The following NECTIN3 variants were observed in gnomAD, a reference collection of about 807,000 sequenced individuals.
The protein encoded by NECTIN3 is nectin-3.
Under a neutral mutation model 49.4 loss-of-function variants are expected in NECTIN3, and 8 were observed. The observed-to-expected ratio is 0.16, with a 90% confidence interval of 0.10 to 0.29. The LOEUF (loss-of-function observed/expected upper bound fraction) is 0.29, where lower values mean the gene tolerates loss of function less well. NECTIN3 is among the 10% of genes least tolerant of loss of function. The pLI is 1.00. For synonymous variants in NECTIN3, 277 were observed against 241.1 expected (o/e 1.15, Z -1.38); for missense variants, 581 against 654.6 (o/e 0.89, Z 1.23).
intron 5 of NECTIN3, 102 bp downstream of exon 5, chr3:111,126,437 G>A (rs145899876): frequency 1.0e-6 from 1 of 1,002,890 alleles, no homozygotes; most frequent in Non-Finnish European, 1.5e-6. Context: ...TAAAGATACA[G>A]ATTCCTCAGT....
In NECTIN3 at chr3:111,136,534, A is replaced by T. The variant is rs1313685241; in HGVS notation, c.*2319A>T. 1.0e-6 allele frequency: 1 copy of T among 964,786 alleles called. No individual in the cohort carries two copies. The highest frequency in any genetic ancestry group is 1.2e-6 in the Non-Finnish European group (1 of 811,502). 59.8% of individuals were successfully genotyped at this position (964,786 alleles called of 1,614,324 possible). ...GAAGCATTGCACTGTTGTTTATTAG[A>T]ACTTTATGTATATTTACTGTACATA... On this transcript the variant is annotated 3_prime_UTR_variant, in exon 6 of 6. Coordinates refer to ENST00000485303, the MANE Select transcript of NECTIN3 (RefSeq NM_015480.3).
chr3:111,137,904 C>T (rs1028872824), downstream of NECTIN3, among the ~76,000 whole-genome samples: 1 of 150,642 alleles, frequency 6.6e-6, no homozygotes, highest in Admixed American at 6.6e-5. Flanking sequence ...GGTATTAAGC[C>T]CAGCATGCAT....
At chr3:111,114,418 A>T (rs561220226) in intron 2 of NECTIN3, among the ~76,000 whole-genome samples, 1 of 152,130 alleles carries the variant, frequency 6.6e-6, no homozygotes, top group African/African-American at 2.4e-5. Flanking sequence ...TATGTTGAAC[A>T]TATCTTTATT....
intron 7 of NECTIN3, among the ~76,000 whole-genome samples, chr3:111,149,459 ATGTGTGTGTGTG>A (rs56219611): frequency 0.011 from 1,384 of 128,402 alleles, 21 homozygotes; most frequent in Admixed American, 0.024. Context: ...TTCTGGTAGG[ATGTGTGTGTGTG>A]TGTGTGTGTG....
chr3:111,111,994 A>C (rs760432096), intron 1 of NECTIN3, 36 bp from the exon 2 acceptor site: 1 of 1,478,788 alleles, frequency 6.8e-7, no homozygotes, highest in South Asian at 1.3e-5. Flanking sequence ...ACTTTTTTCT[A>C]TTTTAAAAAT....
intron 1 of NECTIN3, among the ~76,000 whole-genome samples, chr3:111,088,520 A>C (rs1429221379): frequency 6.6e-6 from 1 of 152,086 alleles, no homozygotes; most frequent in Admixed American, 6.6e-5. Context: ...AATTTTATCA[A>C]ATGTTTTATC....
intron 1 of NECTIN3, among the ~76,000 whole-genome samples, chr3:111,105,671 T>A (rs2107435643): frequency 6.6e-6 from 1 of 152,190 alleles, no homozygotes; most frequent in East Asian, 1.9e-4. Flanking sequence ...CCTTTCTGAT[T>A]TGGAATTTAT....
At chr3:111,127,465 C>CTTTTTT (rs35153084) in intron 5 of NECTIN3, among the ~76,000 whole-genome samples, 6 of 101,152 alleles carry the variant, frequency 5.9e-5, no homozygotes, top group Non-Finnish European at 8.9e-5. Context: ...TGCAAACTTT[C>CTTTTTT]TTTTTTTTTT....
At chr3:111,126,486 A>G (rs1385487951) in intron 5 of NECTIN3, 151 bp downstream of exon 5, 5 of 681,908 alleles carry the variant, frequency 7.3e-6, no homozygotes, top group Non-Finnish European at 1.2e-5. Flanking sequence ...AATATGATAA[A>G]ATAATCCTAT....
At chr3:111,169,140 A>G (rs2035384119) in intron 7 of NECTIN3, among the ~76,000 whole-genome samples, 1 of 115,582 alleles carries the variant, frequency 8.7e-6, no homozygotes, top group Non-Finnish European at 1.6e-5. Flanking sequence ...CCCAGGCTGG[A>G]GTGCAGTGGC....
chr3:111,083,287 T>C (rs2031736467), intron 1 of NECTIN3, among the ~76,000 whole-genome samples: 1 of 152,196 alleles, frequency 6.6e-6, no homozygotes, highest in Non-Finnish European at 1.5e-5. Flanking sequence ...TCAGTTGTTA[T>C]GGACTGAAAG....
At chr3:111,130,132 A>G (rs1241175124) in intron 5 of NECTIN3, among the ~76,000 whole-genome samples, 1 of 151,412 alleles carries the variant, frequency 6.6e-6, no homozygotes, top group Non-Finnish European at 1.5e-5. Flanking sequence ...AATTTTTTGT[A>G]TTTTTAGTAG....
chr3:111,187,384 CAG>C (rs1287379171), upstream of NECTIN3, among the ~76,000 whole-genome samples: 1 of 152,094 alleles, frequency 6.6e-6, no homozygotes, highest in Non-Finnish European at 1.5e-5. Context: ...GCCTGGGTGA[CAG>C]AGCAAGACTC....
intron 1 of NECTIN3, among the ~76,000 whole-genome samples, chr3:111,082,454 A>G (rs1016235688): frequency 6.6e-6 from 1 of 152,040 alleles, no homozygotes; most frequent in Admixed American, 6.6e-5. Flanking sequence ...TTTTTTTTAG[A>G]TTGAGGTATT....
chr3:111,145,046 CT>C, intron 6 of NECTIN3: 2 of 1,534,740 alleles, frequency 1.3e-6, no homozygotes, highest in East Asian at 2.4e-5. Context: ...GTGTAGGTAA[CT>C]TTTTTGCCTT....
chr3:111,076,363 A>C (rs998870229), intron 1 of NECTIN3, among the ~76,000 whole-genome samples: 2 of 152,130 alleles, frequency 1.3e-5, no homozygotes, highest in African/African-American at 2.4e-5. Context: ...ATCTATTAAA[A>C]TCTTCATAAA....
chr3:111,191,588 CTG>C (rs2035814299), upstream of NECTIN3, among the ~76,000 whole-genome samples: 1 of 151,002 alleles, frequency 6.6e-6, no homozygotes, highest in African/African-American at 2.4e-5. Flanking sequence ...CCTTTGTAAT[CTG>C]TGTGGGGGGA....
rs886975860 is a variant in NECTIN3, at chr3:111,183,304, T to C, written c.1222-9047T>C. On this transcript the variant is annotated intron_variant, in intron 7 of 8. Transcript: ENST00000493615. Reference sequence around the variant, plus strand: ...CTACTGATAAAACAATTTTTTTCTCTATTTCACTATTTTTTTTTTTTTTTG... The same window carrying C: ...CTACTGATAAAACAATTTTTTTCTCCATTTCACTATTTTTTTTTTTTTTTG... 3.9e-5 allele frequency among the ~76,000 whole-genome samples: 6 copies of C among 152,060 alleles called. No homozygotes were observed. In the South Asian group the frequency reaches 1.2e-3, roughly 32 times the overall value.
chr3:111,087,918 G>C (rs1188454877), intron 1 of NECTIN3, among the ~76,000 whole-genome samples: 2 of 151,902 alleles, frequency 1.3e-5, no homozygotes, highest in Non-Finnish European at 2.9e-5. Flanking sequence ...GGCTTGTCTT[G>C]AACTCCTGAC....
Sources: gnomAD v4.1 joint callset for allele counts (sites outside exome capture counted in the v4.1 genomes callset) on GRCh38, gnomAD v4.1.1 for gene constraint, MANE v1.5 for transcripts, NCBI Gene and HGNC (gene_info 2026-07-23, HGNC 2026-07-21) for gene names.